Variants in FMC1 observed in about 807,000 individuals in gnomAD.
FMC1 encodes the protein protein FMC1 homolog.
A neutral mutation model predicts 10.5 loss-of-function variants in FMC1; 6 were observed. The ratio of observed to expected loss-of-function variants is 0.57; its 90% CI spans 0.31 to 1.12. FMC1 has a LOEUF of 1.12. FMC1 is among the 50% of genes most tolerant of loss of function. FMC1 has a pLI of 0.05. For synonymous variants in FMC1, 59 were observed against 62.1 expected, an observed-to-expected ratio of 0.95 and a Z score of 0.24; for missense variants, 146 against 151.7, an observed-to-expected ratio of 0.96 and a Z score of 0.20.
At chr7:139,341,725 G>T (rs1798985567) in intron 1 of FMC1, among the ~76,000 whole-genome samples, 1 of 152,168 alleles carries the variant, frequency 6.6e-6, no homozygotes, top group South Asian at 2.1e-4. Context: ...GCGGGGGGGG[G>T]CGCAGAGTCG....
chr7:139,344,165 G>A (rs1030518836), intron 1 of FMC1, among the ~76,000 whole-genome samples: 1 of 152,102 alleles, frequency 6.6e-6, no homozygotes, highest in Non-Finnish European at 1.5e-5. Flanking sequence ...GGGGACTTTG[G>A]AATGGATATG....
Position 139,341,443 on chromosome 7 carries a change from A to G in FMC1, c.59A>G (p.Tyr20Cys), listed in dbSNP as rs1798956056. The G allele has an allele frequency of 6.2e-7, 1 of 1,613,566 alleles. No homozygotes were observed. The highest frequency in any genetic ancestry group is 8.5e-7 in the Non-Finnish European group (1 of 1,179,982). The change falls in exon 1 of 2, where the codon TAC becomes TGC. Residue 20 changes from tyrosine to cysteine, a missense_variant. By Grantham distance (194) the Tyr-to-Cys change is radical. Transcript: ENST00000297534. ...TFRGLLRELR[Y>C]LSAATGRPYR... ...CGAGGACTTCTGCGGGAGTTGCGCT[A>G]CCTGAGCGCGGCCACCGGCCGACCC...
upstream of FMC1, chr7:139,340,677 G>A (rs761566902): frequency 1.5e-5 from 6 of 394,670 alleles, no homozygotes; most frequent in Admixed American, 4.4e-5. Flanking sequence ...TGAATATGTT[G>A]TGTGAGCGCG....
chr7:139,340,480 G>A, upstream of FMC1: 1 of 398,578 alleles, frequency 2.5e-6, no homozygotes, highest in East Asian at 3.6e-5. Context: ...GCGTGCGCGC[G>A]CCCGTTCAAC....
In FMC1 at chr7:139,341,536, G is replaced by A; in HGVS notation, c.138+14G>A. 1 of 1,608,790 alleles carries A rather than the reference G, an allele frequency of 6.2e-7. No homozygotes were observed. Among genetic ancestry groups the A allele is most frequent in the Non-Finnish European group, 8.5e-7 (1 of 1,176,274 alleles). ...CGTGCACATCGGGTACGGGAGCCATGTCCCGGGTGCTCTACGTGCTGGGGA... is the reference window on the plus strand; with the variant it reads ...CGTGCACATCGGGTACGGGAGCCATATCCCGGGTGCTCTACGTGCTGGGGA... On this transcript the variant is annotated intron_variant, in intron 1 of 1. Coordinates refer to ENST00000297534, the MANE Select transcript of FMC1 (RefSeq NM_197964.5).
In FMC1 at chr7:139,345,486, T is replaced by C. The variant is rs763749084; in HGVS notation, c.139-15T>C. ...TCTAGCTGGGTTAAGAATTTCTGAC[T>C]TGCTGCTTCTCTAGGTCACCAGTGA... On this transcript the variant is annotated splice_polypyrimidine_tract_variant and intron_variant, in intron 1 of 1. Coordinates refer to ENST00000297534, the MANE Select transcript of FMC1 (RefSeq NM_197964.5). 3.1e-6 allele frequency: 5 copies of C among 1,614,092 alleles called. No homozygotes were observed. In the South Asian group the frequency reaches 5.5e-5, roughly 18 times the overall value.
At chr7:139,342,107 T>A (rs1027950907) in intron 1 of FMC1, among the ~76,000 whole-genome samples, 1 of 152,100 alleles carries the variant, frequency 6.6e-6, no homozygotes, top group Non-Finnish European at 1.5e-5. Context: ...GAACTCAAAT[T>A]CACCTAGTTT....
Position 139,345,679 on chromosome 7 carries a change from C to G in FMC1, c.317C>G (p.Pro106Arg). The change falls in exon 2 of 2, where the codon CCT (proline) becomes CGT (arginine). Residue 106 changes from proline to arginine, a missense_variant. Coordinates refer to ENST00000297534, the MANE Select transcript of FMC1 (RefSeq NM_197964.5). ...GLVGLKLPHQ[P>R]GGKGWEP is the part of the protein sequence containing the mutation. ...GTGGGTCTCAAGTTGCCCCATCAGC[C>G]TGGAGGGAAGGGCTGGGAGCCATGA... The G allele has an allele frequency of 6.2e-7, 1 of 1,614,118 alleles. No homozygotes were observed. Among genetic ancestry groups the G allele is most frequent in the Non-Finnish European group, 8.5e-7 (1 of 1,180,018 alleles).
Position 139,341,375 on chromosome 7 carries a change from G to C in FMC1, c.-10G>C. On this transcript the variant is annotated 5_prime_UTR_variant, in exon 1 of 2. Coordinates refer to ENST00000297534, the MANE Select transcript of FMC1 (RefSeq NM_197964.5). ...GCCGTTGGGCACCACGCTCGGAGAA[G>C]GACAGGACAATGGCGGCCTTAGGGT... is the stretch of plus-strand genomic sequence containing the variant. 6.2e-7 allele frequency: 1 copy of C among 1,610,924 alleles called. No homozygotes were observed.
At chr7:139,342,604 C>A (rs754089685) in intron 1 of FMC1, among the ~76,000 whole-genome samples, 2 of 152,094 alleles carry the variant, frequency 1.3e-5, no homozygotes, top group Non-Finnish European at 2.9e-5. Flanking sequence ...TACAGGCAGG[C>A]GACATGCGAC....
In FMC1 at chr7:139,345,723, G is replaced by T. The variant is rs760338623; in HGVS notation, c.*19G>T. 2.5e-6 allele frequency: 4 copies of T among 1,609,374 alleles called. No homozygotes were observed. The highest frequency in any genetic ancestry group is 2.7e-5 in the African/African-American group (2 of 74,758). ...GCCATGAACATGGAGAATATCCTTGGATGCTGCATTCATAGGAGAATTGAA... is the reference window on the plus strand; with the variant it reads ...GCCATGAACATGGAGAATATCCTTGTATGCTGCATTCATAGGAGAATTGAA... On this transcript the variant is annotated 3_prime_UTR_variant, in exon 2 of 2. Coordinates refer to ENST00000297534, the MANE Select transcript of FMC1 (RefSeq NM_197964.5).
At position 139,345,592 on chromosome 7, in the gene FMC1, T is replaced by C; in HGVS notation, c.230T>C (p.Val77Ala). 6.2e-7 allele frequency: 1 copy of C among 1,614,116 alleles called. No homozygotes were observed. The highest frequency in any genetic ancestry group is 1.3e-5 in the African/African-American group (1 of 75,008). The change falls in exon 2 of 2, where the codon GTG becomes GCG. Residue 77 changes from valine to alanine, a missense_variant. Val to Ala is a moderately conservative substitution (Grantham distance 64, BLOSUM62 0). Transcript: ENST00000297534. ...LCLLRSIRKH[V>A]ALHQEFHGKG... ...CTCCTGCGTAGCATCCGGAAACATG[T>C]GGCCCTACATCAGGAATTTCATGGC...
In FMC1 at chr7:139,341,479, C is replaced by T; in HGVS notation, c.95C>T (p.Thr32Ile). 1.2e-6 allele frequency: 2 copies of T among 1,613,860 alleles called. No homozygotes were observed. The highest frequency in any genetic ancestry group is 1.7e-6 in the Non-Finnish European group (2 of 1,180,012). The change falls in exon 1 of 2, where the codon ACC (threonine) becomes ATC (isoleucine). Residue 32 changes from threonine (T) to isoleucine (I), a missense_variant. Coordinates refer to ENST00000297534, the MANE Select transcript of FMC1 (RefSeq NM_197964.5). ...GCCACCGGCCGACCCTATCGCGACA[C>T]CGCGGCCTATCGGTACCTTGTGAAG... ...SAATGRPYRDTAAYRYLVKAF... is the reference protein window; with the variant it reads ...SAATGRPYRDIAAYRYLVKAF...
At chr7:139,343,233 A>C (rs978776940) in intron 1 of FMC1, among the ~76,000 whole-genome samples, 4 of 152,208 alleles carry the variant, frequency 2.6e-5, no homozygotes, top group African/African-American at 9.7e-5. Flanking sequence ...ATGATTTGTT[A>C]ATGCTTGACA....
chr7:139,341,321 C>G, upstream of FMC1: 2 of 1,553,912 alleles, frequency 1.3e-6, no homozygotes, highest in Non-Finnish European at 1.7e-6. Context: ...GCGCCTGGGC[C>G]GGAGGAGGGG....
At chr7:139,342,483 G>C (rs1003792360) in intron 1 of FMC1, among the ~76,000 whole-genome samples, 1 of 152,112 alleles carries the variant, frequency 6.6e-6, no homozygotes, top group Admixed American at 6.5e-5. Context: ...TAGATGAAGT[G>C]GTAGGCCGAA....
At chr7:139,340,778 T>C (rs1798903418), upstream of FMC1, among the ~76,000 whole-genome samples, 1 of 151,640 alleles carries the variant, frequency 6.6e-6, no homozygotes, top group Non-Finnish European at 1.5e-5. Flanking sequence ...GGGTGGCCTG[T>C]GACTTTTGTC....
At chr7:139,343,828 G>A (rs962268207) in intron 1 of FMC1, among the ~76,000 whole-genome samples, 3 of 151,430 alleles carry the variant, frequency 2.0e-5, no homozygotes, top group Non-Finnish European at 4.4e-5. Context: ...CCAGCTACTT[G>A]CGGGGCTGAG....
chr7:139,345,818 T>G lies in FMC1; in HGVS notation c.*114T>G, dbSNP rs1799245715. On this transcript the variant is annotated 3_prime_UTR_variant, in exon 2 of 2. Coordinates refer to ENST00000297534, the MANE Select transcript of FMC1 (RefSeq NM_197964.5). The stretch of plus-strand genomic sequence containing the variant: ...TAAGGTTTTTCTCTGTAATTTTGTT[T>G]ACTAGTTCTTAGGGGAATTAACTGG... 3 of 1,185,714 alleles carry G rather than the reference T, an allele frequency of 2.5e-6. No homozygotes were observed. Among genetic ancestry groups the G allele is most frequent in the Admixed American group, 3.1e-5 (1 of 32,562 alleles). 73.4% of individuals were successfully genotyped at this position (1,185,714 alleles called of 1,614,324 possible). A position where few individuals can be genotyped will look rare whatever the true frequency, so the allele number is the denominator to read the frequency against.
Sources: allele counts gnomAD v4.1 joint callset (sites outside exome capture counted in the v4.1 genomes callset), GRCh38; gene constraint gnomAD v4.1.1; transcripts MANE v1.5; gene names NCBI Gene and HGNC (gene_info 2026-07-23, HGNC 2026-07-21).